The following PHACTR1 variants were observed in gnomAD, a reference collection of about 807,000 sequenced individuals.
PHACTR1 encodes RPEL repeat containing 1.
PHACTR1 carries 16 observed loss-of-function variants against 69.2 expected under a neutral mutation model. The ratio of observed to expected loss-of-function variants is 0.23; its 90% CI spans 0.16 to 0.35. PHACTR1 has a LOEUF of 0.35. PHACTR1 is among the 10% of genes least tolerant of loss of function. PHACTR1 has a pLI of 1.00. For missense variants in PHACTR1, 510 were observed against 734.7 expected (o/e 0.69, Z 3.54); for synonymous variants, 312 against 284.5 (o/e 1.10, Z -0.97).
chr6:13,200,856 C>A (rs1416836694), intron 7 of PHACTR1, among the ~76,000 whole-genome samples: 1 of 151,108 alleles, frequency 6.6e-6, no homozygotes, highest in Non-Finnish European at 1.5e-5. Context: ...AGGAAAATCA[C>A]TTGAACAACC....
intron 4 of PHACTR1, among the ~76,000 whole-genome samples, chr6:12,950,985 T>C (rs1791220845): frequency 6.6e-6 from 1 of 152,182 alleles, no homozygotes; most frequent in Non-Finnish European, 1.5e-5. Context: ...TTGGAGAGAA[T>C]TAGACGGACC....
intron 4 of PHACTR1, among the ~76,000 whole-genome samples, chr6:12,943,425 A>G (rs1272975506): frequency 6.6e-6 from 1 of 152,224 alleles, no homozygotes; most frequent in Non-Finnish European, 1.5e-5. Context: ...ATATTATAGC[A>G]CTACGTAGTG....
rs923234132 is a variant in PHACTR1 at position 13,179,163 on chromosome 6, G to C, written c.497-3356G>C. ...AGGTGAGAGTATCACTTGAGCCTGG[G>C]AGATGGAAGCTGCAGTGAGCCATGT... On this transcript the variant is annotated intron_variant, in intron 6 of 14. Transcript: ENST00000332995. This position sits in a 1 kb window ranked among gnomAD's most constrained non-coding sequence, Gnocchi z 4.2. 6.6e-6 allele frequency among the ~76,000 whole-genome samples: 1 copy of C among 152,126 alleles called. No individual in the cohort carries two copies. Among genetic ancestry groups the C allele is most frequent in the African/African-American group, 2.4e-5 (1 of 41,424 alleles).
chr6:13,278,255 A>G lies in PHACTR1; in HGVS notation c.1448-13A>G, dbSNP rs769036987. The G allele has an allele frequency of 3.8e-6, 6 of 1,572,362 alleles. No homozygotes were observed. Among genetic ancestry groups the G allele is most frequent in the Non-Finnish European group, 5.2e-6 (6 of 1,159,054 alleles). ...TTACTGAAATAAAAAAACATCTTAA[A>G]TATTTTTTTTAGCTCGGAATGAACA... is the stretch of plus-strand genomic sequence containing the variant. On this transcript the variant is annotated splice_polypyrimidine_tract_variant and intron_variant, in intron 11 of 14. Transcript: ENST00000332995.
rs777374222 is a variant in PHACTR1 at position 13,228,074 on chromosome 6, C to T, written c.1234+11C>T. 3 of 1,604,172 alleles carry T rather than the reference C, an allele frequency of 1.9e-6. No individual in the cohort carries two copies. The Admixed American group carries it at 5.0e-5, about 27-fold the overall frequency. ...GCTCATTATACACCAGTGCGTTCAT[C>T]TTAACTCATCACCAGGGGTGGGGAA... On this transcript the variant is annotated intron_variant, in intron 9 of 14. Transcript: ENST00000332995.
At chr6:13,184,714 G>C (rs1018474295) in intron 7 of PHACTR1, 1 of 1,106,364 alleles carries the variant, frequency 9.0e-7, no homozygotes, top group African/African-American at 1.6e-5. Context: ...TTGCCAGCCC[G>C]AGTCCCTGTC....
intron 4 of PHACTR1, among the ~76,000 whole-genome samples, chr6:12,772,465 A>G (rs1769512584): frequency 6.6e-6 from 1 of 152,232 alleles, no homozygotes; most frequent in Non-Finnish European, 1.5e-5. Context: ...TTGAGATTCA[A>G]TGGACAATTA....
chr6:13,032,142 T>C (rs867579570), intron 4 of PHACTR1, among the ~76,000 whole-genome samples: 1 of 152,238 alleles, frequency 6.6e-6, no homozygotes, highest in Non-Finnish European at 1.5e-5. Flanking sequence ...AGATATTATA[T>C]AGCCTGTGAA....
chr6:12,946,986 T>C (rs967731513), intron 4 of PHACTR1, among the ~76,000 whole-genome samples: 6 of 151,846 alleles, frequency 4.0e-5, no homozygotes, highest in South Asian at 2.1e-4. Context: ...CTAATTTTTG[T>C]ATTTTTAGTA....
rs1440134981 is a variant in PHACTR1, at chr6:12,805,835, A to G, written c.250+56045A>G. Among the ~76,000 whole-genome samples the G allele has an allele frequency of 3.3e-5, 5 of 152,164 alleles. No homozygotes were observed. The East Asian group carries it at 9.6e-4, about 29-fold the overall frequency. The stretch of plus-strand genomic sequence containing the variant: ...AAGATTGTCTCGAACTCCTGACTTC[A>G]GGTGATCTGCCTGCCTCAGGTTCCC... On this transcript the variant is annotated intron_variant, in intron 4 of 14. Transcript: ENST00000332995.
chr6:12,945,575 G>A (rs908483069), intron 4 of PHACTR1, among the ~76,000 whole-genome samples: 16 of 152,230 alleles, frequency 1.1e-4, no homozygotes, highest in South Asian at 2.1e-4. Flanking sequence ...TAATTCTTAC[G>A]GGTTTCTAGA....
chr6:13,084,105 CA>C (rs1811871885), intron 5 of PHACTR1, among the ~76,000 whole-genome samples: 1 of 151,882 alleles, frequency 6.6e-6, no homozygotes, highest in African/African-American at 2.4e-5. Flanking sequence ...TTCACAATAG[CA>C]AAGACTTGGA....
At chr6:12,974,068 TGCGCCACCAC>T (rs1174713106) in intron 4 of PHACTR1, among the ~76,000 whole-genome samples, 4 of 151,940 alleles carry the variant, frequency 2.6e-5, no homozygotes, top group Non-Finnish European at 5.9e-5. Flanking sequence ...ACAACAGGCA[TGCGCCACCAC>T]GCCCGGCTAA....
intron 4 of PHACTR1, among the ~76,000 whole-genome samples, chr6:13,044,844 A>C (rs1450777071): frequency 6.6e-6 from 1 of 152,220 alleles, no homozygotes; most frequent in Admixed American, 6.5e-5. Context: ...GCTTGAGCAC[A>C]GGTCCTTAGC....
intron 5 of PHACTR1, among the ~76,000 whole-genome samples, chr6:13,109,852 G>GTC (rs1816757058): frequency 2.0e-5 from 3 of 148,702 alleles, no homozygotes; most frequent in Non-Finnish European, 4.5e-5. Context: ...GTGTGTGTGT[G>GTC]TGTGTGTGTG....
chr6:12,814,810 C>G (rs886862688), intron 4 of PHACTR1, among the ~76,000 whole-genome samples: 2 of 152,178 alleles, frequency 1.3e-5, no homozygotes, highest in African/African-American at 2.4e-5. Context: ...AATCCCCCAC[C>G]ATTAGTGATT....
chr6:13,040,143 C>T (rs148870707), intron 4 of PHACTR1, among the ~76,000 whole-genome samples: 16 of 152,278 alleles, frequency 1.1e-4, no homozygotes, highest in African/African-American at 3.4e-4. Context: ...GATGTATGTA[C>T]ACTAAATGCT....
chr6:13,117,095 G>A (rs542653822), intron 5 of PHACTR1, among the ~76,000 whole-genome samples: 164 of 152,318 alleles, frequency 1.1e-3, no homozygotes, highest in African/African-American at 3.9e-3. Flanking sequence ...GAAATGCCAA[G>A]GACAAGGTGT....
chr6:13,133,648 C>T (rs1361069028), intron 5 of PHACTR1, among the ~76,000 whole-genome samples: 1 of 152,120 alleles, frequency 6.6e-6, no homozygotes, highest in Non-Finnish European at 1.5e-5. Context: ...CTCGCTACAA[C>T]TTCCACCTCC....
Sources: gnomAD v4.1 joint callset for allele counts (sites outside exome capture counted in the v4.1 genomes callset) on GRCh38, gnomAD v4.1.1 for gene constraint, Gnocchi (gnomAD v3.1) non-coding constraint, MANE v1.5 for transcripts, NCBI Gene and HGNC (gene_info 2026-07-23, HGNC 2026-07-21) for gene names.